NPAS3: variants seen among roughly 807,000 people sequenced by gnomAD.
The protein encoded by NPAS3 is neuronal PAS domain protein 3.
A neutral mutation model predicts 73.1 loss-of-function variants in NPAS3; 14 were observed. The observed-to-expected ratio is 0.19, with a 90% CI of 0.13 to 0.30. NPAS3 has a LOEUF of 0.30. Ranked by LOEUF, NPAS3 falls within the 10% of genes least tolerant of loss-of-function variation. The pLI is 1.00. For synonymous variants in NPAS3, 620 were observed against 541.5 expected (o/e 1.14, Z -2.01); for missense variants, 1,096 against 1,250.0 (o/e 0.88, Z 1.86).
chr14:33,455,581 G>C (rs1444203931), intron 4 of NPAS3, among the ~76,000 whole-genome samples: 1 of 152,200 alleles, frequency 6.6e-6, no homozygotes, highest in Non-Finnish European at 1.5e-5. Context: ...CATGAGCTGA[G>C]CTTGTGTTGG....
intron 4 of NPAS3, among the ~76,000 whole-genome samples, chr14:33,499,073 A>C (rs1595035813): frequency 6.6e-6 from 1 of 151,366 alleles, no homozygotes; most frequent in Non-Finnish European, 1.5e-5. Flanking sequence ...CACAGGAAAA[A>C]ATTTCTTTTA....
intron 5 of NPAS3, among the ~76,000 whole-genome samples, chr14:33,602,032 G>T (rs572506189): frequency 1.3e-5 from 2 of 152,310 alleles, no homozygotes; most frequent in Non-Finnish European, 2.9e-5. Flanking sequence ...ACAGGGAGCA[G>T]GTTCCTGACA....
At chr14:33,497,266 A>G (rs937913702) in intron 4 of NPAS3, among the ~76,000 whole-genome samples, 10 of 152,164 alleles carry the variant, frequency 6.6e-5, no homozygotes, top group Admixed American at 6.5e-4. Context: ...GAAAATGGCC[A>G]TACTGCCCAA....
At chr14:33,724,453 G>T (rs960837269) in intron 6 of NPAS3, among the ~76,000 whole-genome samples, 1 of 152,108 alleles carries the variant, frequency 6.6e-6, no homozygotes, top group African/African-American at 2.4e-5. Context: ...GGGCAACATG[G>T]TGAAACCCTG....
At chr14:33,673,315 C>G (rs527309619) in intron 5 of NPAS3, among the ~76,000 whole-genome samples, 1 of 152,316 alleles carries the variant, frequency 6.6e-6, no homozygotes, top group Non-Finnish European at 1.5e-5. Flanking sequence ...TATTCAGGTT[C>G]TTTTGTAAAC....
intron 3 of NPAS3, among the ~76,000 whole-genome samples, chr14:33,301,420 GAA>G (rs1252184960): frequency 6.7e-6 from 1 of 149,844 alleles, no homozygotes; most frequent in Non-Finnish European, 1.5e-5. Context: ...CTCAAAAGAA[GAA>G]AAAGTTACTT....
intron 4 of NPAS3, among the ~76,000 whole-genome samples, chr14:33,467,392 G>A (rs1405102585): frequency 5.9e-5 from 9 of 152,158 alleles, no homozygotes; most frequent in Non-Finnish European, 1.3e-4. Flanking sequence ...AAACAATCTA[G>A]TTGTAATTAA....
At chr14:33,341,041 A>G (rs747254482) in intron 3 of NPAS3, among the ~76,000 whole-genome samples, 6 of 152,258 alleles carry the variant, frequency 3.9e-5, no homozygotes, top group African/African-American at 9.6e-5. Context: ...TATGTAATAC[A>G]TAGTTGAACT....
intron 4 of NPAS3, among the ~76,000 whole-genome samples, chr14:33,553,997 A>G (rs2055239027): frequency 6.6e-6 from 1 of 152,204 alleles, no homozygotes; most frequent in South Asian, 2.1e-4. Flanking sequence ...GATTGTATCA[A>G]AAGGCCAAAA....
At chr14:33,387,066 A>G (rs1032520151) in intron 4 of NPAS3, among the ~76,000 whole-genome samples, 2 of 152,068 alleles carry the variant, frequency 1.3e-5, no homozygotes, top group Non-Finnish European at 1.5e-5. Flanking sequence ...AAATGAAGGA[A>G]CCCACATGGG....
At chr14:33,034,672 G>GT (rs1321154958) in intron 1 of NPAS3, among the ~76,000 whole-genome samples, 3 of 152,058 alleles carry the variant, frequency 2.0e-5, no homozygotes, top group Non-Finnish European at 4.4e-5. Context: ...GAAGGAAAGT[G>GT]TTTGTCAACC....
At chr14:33,223,884 G>A (rs1014496884) in intron 3 of NPAS3, among the ~76,000 whole-genome samples, 5 of 151,800 alleles carry the variant, frequency 3.3e-5, no homozygotes, top group African/African-American at 1.2e-4. Flanking sequence ...TTGAGCATGT[G>A]TAATCATTAT....
intron 4 of NPAS3, among the ~76,000 whole-genome samples, chr14:33,411,545 G>C (rs77408055): frequency 6.6e-6 from 1 of 152,082 alleles, no homozygotes; most frequent in Middle Eastern, 3.2e-3. Flanking sequence ...TAGAAGCCAG[G>C]GTTACTGTTA....
At chr14:33,098,550 G>A (rs542692573) in intron 2 of NPAS3, among the ~76,000 whole-genome samples, 88 of 152,254 alleles carry the variant, frequency 5.8e-4, no homozygotes, top group Non-Finnish European at 1.0e-3. Flanking sequence ...AGCTGGTAAA[G>A]TGGGAAAACA....
At chr14:33,689,656 G>A (rs542064863) in intron 6 of NPAS3, among the ~76,000 whole-genome samples, 2 of 152,100 alleles carry the variant, frequency 1.3e-5, no homozygotes, top group Non-Finnish European at 2.9e-5. Flanking sequence ...AGGCCCTTTC[G>A]TAGACTCCAC....
At chr14:33,411,193 G>C (rs1566878405) in intron 4 of NPAS3, among the ~76,000 whole-genome samples, 1 of 151,764 alleles carries the variant, frequency 6.6e-6, no homozygotes, top group Non-Finnish European at 1.5e-5. Context: ...TTTTTTCGTT[G>C]TTTTGTTGTT....
At chr14:32,959,550 A>T (rs1435028588) in intron 1 of NPAS3, among the ~76,000 whole-genome samples, 1 of 152,184 alleles carries the variant, frequency 6.6e-6, no homozygotes, top group Non-Finnish European at 1.5e-5. Flanking sequence ...CCAGTTTAAA[A>T]CTTCTTTTCT....
At chr14:33,295,790 C>T (rs558095652) in intron 3 of NPAS3, among the ~76,000 whole-genome samples, 1 of 152,278 alleles carries the variant, frequency 6.6e-6, no homozygotes, top group African/African-American at 2.4e-5. Context: ...GTTTTATTTG[C>T]TAGCTGAGAG....
rs955623390 is a variant in NPAS3, at chr14:33,383,036, G to A, written c.468+15768G>A. Among the ~76,000 whole-genome samples, 78 of 147,848 alleles carry A rather than the reference G, an allele frequency of 5.3e-4. 1 individual carries two copies. Among genetic ancestry groups the A allele is most frequent in the African/African-American group, 1.6e-3 (63 of 39,534 alleles). On this transcript the variant is annotated intron_variant, in intron 4 of 11. Transcript: ENST00000356141. Reference sequence around the variant, plus strand: ...GAGGAGGTTGAGGCTGTAGTGAGCCGTGTTTGTGCCACTGTACTCCAGCCT... The same window carrying A: ...GAGGAGGTTGAGGCTGTAGTGAGCCATGTTTGTGCCACTGTACTCCAGCCT...
Sources: gnomAD v4.1 joint callset for allele counts (sites outside exome capture counted in the v4.1 genomes callset) on GRCh38, gnomAD v4.1.1 for gene constraint, MANE v1.5 for transcripts, NCBI Gene and HGNC (gene_info 2026-07-23, HGNC 2026-07-21) for gene names.